TTI1: variants seen among roughly 807,000 people sequenced by gnomAD.
TTI1 encodes the protein TELO2 interacting protein 1.
A neutral mutation model predicts 85.4 loss-of-function variants in TTI1; 52 were observed. That is an observed-to-expected ratio of 0.61 (90% CI 0.49 to 0.77). The LOEUF (loss-of-function observed/expected upper bound fraction) is 0.77, where lower values mean the gene tolerates loss of function less well. Among genes scored for constraint, TTI1 ranks in the 30% least tolerant of loss-of-function variants. The pLI, the probability that TTI1 is intolerant of heterozygous loss-of-function variation, is 0.00. For missense variants in TTI1, 1,173 were observed against 1,296.0 expected (o/e 0.91, Z 1.46); for synonymous variants, 512 against 503.9 (o/e 1.02, Z -0.22).
chr20:38,006,688 T>C (rs184061860), intron 2 of TTI1, among the ~76,000 whole-genome samples: 3 of 152,330 alleles, frequency 2.0e-5, no homozygotes, highest in Admixed American at 1.3e-4. Flanking sequence ...TCAGAACACA[T>C]AGAACTTGCC....
In TTI1 at chr20:38,021,022, C is replaced by T. The variant is rs13038945; in HGVS notation, c.-41-7165G>A. On this transcript the variant is annotated intron_variant, in intron 1 of 7. Coordinates refer to ENST00000373447, the MANE Select transcript of TTI1 (RefSeq NM_001303457.2). ...TTGATATATACCCAATAGAAATGTACATATAAGCTTATCAAAAGATATATT... is the reference window on the plus strand; with the variant it reads ...TTGATATATACCCAATAGAAATGTATATATAAGCTTATCAAAAGATATATT... 1.1e-3 allele frequency among the ~76,000 whole-genome samples: 161 copies of T among 152,248 alleles called. 2 individuals are homozygous for T. Among genetic ancestry groups the T allele is most frequent in the African/African-American group, 2.4e-3 (100 of 41,560 alleles).
chr20:38,001,826 C>T (rs563178298), intron 4 of TTI1, among the ~76,000 whole-genome samples: 1 of 152,296 alleles, frequency 6.6e-6, no homozygotes, highest in African/African-American at 2.4e-5. Context: ...TCAAGCGATT[C>T]TCCTGCCTCG....
chr20:37,987,287 C>T (rs1425234287), intron 7 of TTI1: 5 of 456,598 alleles, frequency 1.1e-5, no homozygotes, highest in African/African-American at 2.0e-5. Context: ...GTTGAAAACT[C>T]CTTTTGCATA....
chr20:38,019,943 G>T (rs1454939601), intron 1 of TTI1, among the ~76,000 whole-genome samples: 1 of 152,170 alleles, frequency 6.6e-6, no homozygotes, highest in African/African-American at 2.4e-5. Flanking sequence ...ATTGTCCCTG[G>T]ATTTGGTACC....
chr20:38,014,285 T>C (rs80325344), intron 1 of TTI1, among the ~76,000 whole-genome samples: 1 of 152,336 alleles, frequency 6.6e-6, no homozygotes, highest in Non-Finnish European at 1.5e-5. Context: ...ACTATCTTAA[T>C]GTACAGCTCA....
intron 7 of TTI1, among the ~76,000 whole-genome samples, chr20:37,993,653 G>C (rs6022272): frequency 0.28 from 42,915 of 152,100 alleles, 7,858 homozygotes; most frequent in African/African-American, 0.53. Context: ...CAGGAGGCCT[G>C]GGAGCAGCCT....
At chr20:38,026,948 A>G (rs1360269937) in intron 1 of TTI1, among the ~76,000 whole-genome samples, 1 of 152,230 alleles carries the variant, frequency 6.6e-6, no homozygotes, top group Non-Finnish European at 1.5e-5. Flanking sequence ...TTTGCTAGGT[A>G]AAGGTAAGTT....
intron 1 of TTI1, among the ~76,000 whole-genome samples, chr20:38,030,225 G>A (rs977179906): frequency 3.3e-5 from 5 of 151,372 alleles, no homozygotes; most frequent in African/African-American, 9.7e-5. Flanking sequence ...AGGAAGGGAG[G>A]GAGGGAGGAG....
chr20:37,996,998 A>G (rs767650944), intron 5 of TTI1, 45 bp from the exon 6 acceptor site: 13 of 1,591,160 alleles, frequency 8.2e-6, no homozygotes, highest in Non-Finnish European at 9.4e-6. Flanking sequence ...TTGCCAAGGC[A>G]GCAAGAGAGC....
chr20:37,987,021 G>T (rs965174181), intron 7 of TTI1: 18 of 374,662 alleles, frequency 4.8e-5, no homozygotes, highest in Non-Finnish European at 8.0e-5. Context: ...GCCATGCCAT[G>T]CAACCAGATG....
chr20:38,030,729 A>G (rs577759799), intron 1 of TTI1, among the ~76,000 whole-genome samples: 3 of 152,196 alleles, frequency 2.0e-5, no homozygotes, highest in Non-Finnish European at 4.4e-5. Flanking sequence ...CCTAGGACTC[A>G]GTCTCTTTTT....
chr20:37,992,334 G>A (rs1043402307), intron 7 of TTI1, among the ~76,000 whole-genome samples: 11 of 151,966 alleles, frequency 7.2e-5, no homozygotes, highest in Non-Finnish European at 1.5e-4. Flanking sequence ...GGAGTGCAGT[G>A]GTGTGATCAC....
At position 38,012,862 on chromosome 20, in the gene TTI1, A is replaced by G; in HGVS notation, c.955T>C (p.Leu319=). 1 of 1,614,222 alleles carries G rather than the reference A, an allele frequency of 6.2e-7. No individual in the cohort carries two copies. Among genetic ancestry groups the G allele is most frequent in the Non-Finnish European group, 8.5e-7 (1 of 1,180,038 alleles). Reference sequence around the variant, plus strand: ...TCGACCAATGATTGACTGCACTTCAAAAGAAGGTCCTCCACAAGTTCTACC... The same window carrying G: ...TCGACCAATGATTGACTGCACTTCAGAAGAAGGTCCTCCACAAGTTCTACC... ...ELVELVEDLL[L]KCSQSLVECA... Residue 319 remains leucine (L), a synonymous_variant, in exon 2 of 8, where the codon TTG becomes CTG. Transcript: ENST00000373447.
Position 38,003,516 on chromosome 20 carries a change from G to T in TTI1, c.2504-740C>A, listed in dbSNP as rs138066355. On this transcript the variant is annotated intron_variant, in intron 3 of 7. Coordinates refer to ENST00000373447, the MANE Select transcript of TTI1 (RefSeq NM_001303457.2). The stretch of plus-strand genomic sequence containing the variant: ...AAGATAAAAACAAGATATTTGGGAG[G>T]TTGAGGCAGGTGGATCACCTGAGGT... 8.0e-3 allele frequency among the ~76,000 whole-genome samples: 1,216 copies of T among 152,244 alleles called. 6 individuals carry two copies. The highest frequency in any genetic ancestry group is 0.023 in the African/African-American group (950 of 41,546).
intron 7 of TTI1, among the ~76,000 whole-genome samples, chr20:37,985,630 C>T (rs1487470228): frequency 4.0e-5 from 6 of 151,770 alleles, no homozygotes; most frequent in Non-Finnish European, 7.4e-5. Context: ...TGGGTTCAAG[C>T]GATCCTCCTG....
At chr20:37,997,086 C>A in intron 5 of TTI1, 133 bp from the exon 6 acceptor site, 1 of 1,029,686 alleles carries the variant, frequency 9.7e-7, no homozygotes, top group South Asian at 1.7e-5. Context: ...GCTGTTAATT[C>A]CTTGCCCATG....
chr20:38,009,206 C>T (rs1352862526), intron 2 of TTI1, among the ~76,000 whole-genome samples: 3 of 152,118 alleles, frequency 2.0e-5, no homozygotes, highest in Non-Finnish European at 4.4e-5. Context: ...TATATTTGGC[C>T]CATGGAAGCC....
chr20:37,988,421 A>G (rs1343959651), intron 7 of TTI1, among the ~76,000 whole-genome samples: 1 of 152,186 alleles, frequency 6.6e-6, no homozygotes, highest in Admixed American at 6.5e-5. Context: ...TGTTCTCACC[A>G]TCTCTGTCTA....
At chr20:38,028,772 G>A (rs1007968462) in intron 1 of TTI1, among the ~76,000 whole-genome samples, 2 of 152,210 alleles carry the variant, frequency 1.3e-5, no homozygotes, top group Admixed American at 6.5e-5. Flanking sequence ...GCAGTGGCTC[G>A]ATGATGGCTC....
Sources: allele counts gnomAD v4.1 joint callset (sites outside exome capture counted in the v4.1 genomes callset), GRCh38; gene constraint gnomAD v4.1.1; transcripts MANE v1.5; gene names NCBI Gene and HGNC (gene_info 2026-07-23, HGNC 2026-07-21).